ANKMY2: variants seen among roughly 807,000 people sequenced by gnomAD.
ANKMY2 encodes ankyrin repeat and MYND domain containing 2.
In ANKMY2, 36 loss-of-function variants were observed where a neutral mutation model predicts 50.4. That is an observed-to-expected ratio of 0.71 (90% CI 0.55 to 0.94). ANKMY2 has a LOEUF of 0.94. Among genes scored for constraint, ANKMY2 ranks in the 40% least tolerant of loss-of-function variants. The pLI is 0.00. For synonymous variants in ANKMY2, 187 were observed against 178.8 expected (o/e 1.05, Z -0.36); for missense variants, 565 against 524.0 (o/e 1.08, Z -0.76).
intron 4 of ANKMY2, among the ~76,000 whole-genome samples, chr7:16,620,868 G>A (rs1002118776): frequency 1.3e-5 from 2 of 151,938 alleles, no homozygotes; most frequent in Admixed American, 1.3e-4. Context: ...GACAAAAAAA[G>A]GAATTATGAA....
chr7:16,619,179 GTTTTGCTCT>G (rs1018141686), intron 4 of ANKMY2, among the ~76,000 whole-genome samples: 1 of 148,948 alleles, frequency 6.7e-6, no homozygotes, highest in African/African-American at 2.5e-5. Flanking sequence ...TTGAGATGGA[GTTTTGCTCT>G]TTTTGCCCAG....
chr7:16,600,987 T>C, intron 9 of ANKMY2, 42 bp from the exon 10 acceptor site: 1 of 1,482,550 alleles, frequency 6.7e-7, no homozygotes, highest in Non-Finnish European at 9.1e-7. Context: ...CTACCATGTG[T>C]CAGACACTCT....
At chr7:16,630,712 A>G (rs1781570209) in intron 2 of ANKMY2, among the ~76,000 whole-genome samples, 2 of 152,212 alleles carry the variant, frequency 1.3e-5, no homozygotes, top group Non-Finnish European at 2.9e-5. Flanking sequence ...ATGGATGGTG[A>G]TACAAGTGCT....
intron 1 of ANKMY2, among the ~76,000 whole-genome samples, chr7:16,642,741 A>C (rs1312084208): frequency 6.6e-6 from 1 of 152,188 alleles, no homozygotes; most frequent in African/African-American, 2.4e-5. Context: ...TTCTTCAACT[A>C]TAAAATAAAA....
At chr7:16,644,033 A>G (rs1583688898) in intron 1 of ANKMY2, among the ~76,000 whole-genome samples, 1 of 151,684 alleles carries the variant, frequency 6.6e-6, no homozygotes, top group Non-Finnish European at 1.5e-5. Context: ...AGCGAGAGCG[A>G]GAGAGAGAGA....
intron 4 of ANKMY2, among the ~76,000 whole-genome samples, chr7:16,622,736 T>A (rs1016046143): frequency 6.9e-6 from 1 of 144,658 alleles, no homozygotes; most frequent in African/African-American, 2.6e-5. Flanking sequence ...CGAGACTCCA[T>A]CTCAAAAATA....
chr7:16,644,666 G>A, intron 1 of ANKMY2: 2 of 471,096 alleles, frequency 4.2e-6, no homozygotes, highest in Non-Finnish European at 4.4e-6. Context: ...GAAGAAGCAT[G>A]CAGTCACGCT....
chr7:16,608,072 A>G (rs893335195), intron 7 of ANKMY2, among the ~76,000 whole-genome samples: 1 of 152,150 alleles, frequency 6.6e-6, no homozygotes, highest in Admixed American at 6.5e-5. Flanking sequence ...TGCATATGAG[A>G]ACCTACACAG....
intron 1 of ANKMY2, among the ~76,000 whole-genome samples, chr7:16,643,053 A>T (rs1781766346): frequency 1.3e-5 from 2 of 152,178 alleles, no homozygotes; most frequent in Non-Finnish European, 2.9e-5. Flanking sequence ...TATATTTATC[A>T]CAAACACAAG....
At chr7:16,627,319 C>G (rs1034323783) in intron 2 of ANKMY2, 141 bp from the exon 3 acceptor site, 6 of 526,956 alleles carry the variant, frequency 1.1e-5, no homozygotes, top group African/African-American at 2.0e-5. Context: ...ATATTTGCTT[C>G]CACACTTTGA....
intron 2 of ANKMY2, among the ~76,000 whole-genome samples, chr7:16,632,218 T>C (rs1462654444): frequency 2.6e-5 from 4 of 151,156 alleles, no homozygotes; most frequent in Non-Finnish European, 5.9e-5. Context: ...TGATAATTTT[T>C]ACTGTTTTTT....
intron 5 of ANKMY2, among the ~76,000 whole-genome samples, chr7:16,615,118 G>C (rs559245193): frequency 6.6e-6 from 1 of 152,298 alleles, no homozygotes; most frequent in Admixed American, 6.5e-5. Context: ...AATCTGATTT[G>C]ATGAATTACT....
At chr7:16,613,256 C>T (rs755250765) in intron 5 of ANKMY2, among the ~76,000 whole-genome samples, 2 of 152,146 alleles carry the variant, frequency 1.3e-5, no homozygotes, top group Non-Finnish European at 2.9e-5. Context: ...ATTAGGTGCA[C>T]TGTAATGAAA....
intron 2 of ANKMY2, among the ~76,000 whole-genome samples, chr7:16,634,731 T>C (rs964470159): frequency 3.9e-5 from 6 of 152,058 alleles, no homozygotes; most frequent in Non-Finnish European, 7.4e-5. Flanking sequence ...TCTGAGAACA[T>C]TGCATAGAGG....
chr7:16,604,317 T>C (rs753182157), intron 8 of ANKMY2, among the ~76,000 whole-genome samples: 1 of 152,260 alleles, frequency 6.6e-6, no homozygotes, highest in Non-Finnish European at 1.5e-5. Flanking sequence ...GATATGTTGA[T>C]GAAGACACTG....
Position 16,600,751 on chromosome 7 carries a change from G to A in ANKMY2, c.*10C>T, listed in dbSNP as rs1263955860. On this transcript the variant is annotated 3_prime_UTR_variant, in exon 10 of 10. Transcript: ENST00000306999. ...GTGAGGATCATCCACACTGGCACTTGCTCTGGCTTTTACTCCTCAGACACC... is the reference window on the plus strand; with the variant it reads ...GTGAGGATCATCCACACTGGCACTTACTCTGGCTTTTACTCCTCAGACACC... 2 of 1,596,296 alleles carry A rather than the reference G, an allele frequency of 1.3e-6. No individual in the cohort carries two copies. The highest frequency in any genetic ancestry group is 1.7e-6 in the Non-Finnish European group (2 of 1,171,110).
chr7:16,611,722 T>A (rs573127745), intron 5 of ANKMY2, among the ~76,000 whole-genome samples: 2 of 152,310 alleles, frequency 1.3e-5, no homozygotes, highest in Admixed American at 6.5e-5. Flanking sequence ...TTGACTCAAT[T>A]TCTTCTGATT....
intron 7 of ANKMY2, among the ~76,000 whole-genome samples, 157 bp downstream of exon 7, chr7:16,609,473 C>T (rs771376351): frequency 2.0e-5 from 3 of 152,146 alleles, no homozygotes; most frequent in Non-Finnish European, 4.4e-5. Flanking sequence ...AATAAATAAA[C>T]AGGAACAGGT....
At chr7:16,642,975 A>G (rs1447825907) in intron 1 of ANKMY2, among the ~76,000 whole-genome samples, 1 of 152,120 alleles carries the variant, frequency 6.6e-6, no homozygotes, top group Non-Finnish European at 1.5e-5. Flanking sequence ...TCTGCCACTT[A>G]CCTGTTTGAC....
Sources: allele counts gnomAD v4.1 joint callset (sites outside exome capture counted in the v4.1 genomes callset), GRCh38; gene constraint gnomAD v4.1.1; transcripts MANE v1.5; gene names NCBI Gene and HGNC (gene_info 2026-07-23, HGNC 2026-07-21).